The following CTNNA2 variants were observed in gnomAD, a reference collection of about 807,000 sequenced individuals.
CTNNA2 encodes the protein catenin alpha 2.
In CTNNA2, 42 loss-of-function variants were observed where a neutral mutation model predicts 101.0. That is an observed-to-expected ratio of 0.42 (90% confidence interval 0.32 to 0.54). CTNNA2 has a LOEUF of 0.54. Ranked by LOEUF, CTNNA2 falls within the 20% of genes least tolerant of loss-of-function variation. CTNNA2 has a pLI of 0.14. For missense variants in CTNNA2, 871 were observed against 1,223.1 expected, an observed-to-expected ratio of 0.71 and a Z score of 4.29; for synonymous variants, 450 against 456.4, an observed-to-expected ratio of 0.99 and a Z score of 0.18.
At chr2:79,861,040 A>AT (rs945998375) in intron 4 of CTNNA2, among the ~76,000 whole-genome samples, 22 of 152,166 alleles carry the variant, frequency 1.4e-4, no homozygotes, top group Non-Finnish European at 2.4e-4. Flanking sequence ...TTTCTCAAGG[A>AT]TTTTTTTAAA....
intron 3 of CTNNA2, among the ~76,000 whole-genome samples, chr2:79,849,804 G>A (rs958317861): frequency 6.6e-5 from 10 of 152,136 alleles, no homozygotes; most frequent in African/African-American, 1.9e-4. Context: ...TTATTTTATT[G>A]TAGAGTGTAT....
intron 3 of CTNNA2, among the ~76,000 whole-genome samples, chr2:79,833,701 A>G (rs1235499257): frequency 1.3e-5 from 2 of 152,216 alleles, no homozygotes; most frequent in African/African-American, 4.8e-5. Context: ...CCAGTAAAAC[A>G]AGACAAACAG....
At chr2:79,576,957 G>A (rs1675837484) in intron 1 of CTNNA2, among the ~76,000 whole-genome samples, 1 of 152,040 alleles carries the variant, frequency 6.6e-6, no homozygotes, top group Non-Finnish European at 1.5e-5. Flanking sequence ...GAAAATGTGA[G>A]GATAGAAGTT....
rs79575459 is a variant in CTNNA2 at position 80,047,514 on chromosome 2, G to A, written c.1056+137717G>A. Reference sequence around the variant, plus strand: ...GAAGAAGACAGTCCCTGAAGAACTTGCTGTGCTGACTCTGCTGACAATCAG... The same window carrying A: ...GAAGAAGACAGTCCCTGAAGAACTTACTGTGCTGACTCTGCTGACAATCAG... On this transcript the variant is annotated intron_variant, in intron 7 of 18. Transcript: ENST00000402739. Among the ~76,000 whole-genome samples, 781 of 152,280 alleles carry A rather than the reference G, an allele frequency of 5.1e-3. 11 individuals are homozygous for A. Among genetic ancestry groups the A allele is most frequent in the African/African-American group, 0.018 (730 of 41,562 alleles).
intron 1 of CTNNA2, among the ~76,000 whole-genome samples, chr2:79,623,555 T>C (rs1215520318): frequency 6.6e-6 from 1 of 152,132 alleles, no homozygotes; most frequent in South Asian, 2.1e-4. Flanking sequence ...ATGTAGAAAA[T>C]CTTATCATCA....
chr2:80,579,174 A>G (rs981962692), intron 13 of CTNNA2: 1 of 152,174 alleles, frequency 6.6e-6, no homozygotes. Context: ...GTCCAGGTTA[A>G]TACCTCTTTT....
chr2:80,635,887 C>T (rs574745623), intron 18 of CTNNA2, among the ~76,000 whole-genome samples: 8 of 151,152 alleles, frequency 5.3e-5, no homozygotes, highest in South Asian at 2.1e-4. Flanking sequence ...GTAAATGTGT[C>T]ACACACTAAT....
Position 80,601,417 on chromosome 2 carries a change from C to CTTTTTTTT in CTNNA2, c.2190-2654_2190-2653insTTTTTTTT, listed in dbSNP as rs375645223. On this transcript the variant is annotated intron_variant, in intron 15 of 18. Transcript: ENST00000402739. ...GATTTAATGACTTTTTTCTTTCTTT[C>CTTTTTTTT]TTTCTTTTTTTTTTTTTTTGATGAG... 1.2e-3 allele frequency among the ~76,000 whole-genome samples: 111 copies of CTTTTTTTT among 94,140 alleles called. 3 individuals are homozygous for CTTTTTTTT. The highest frequency in any genetic ancestry group is 6.3e-3 in the Middle Eastern group (1 of 158). The allele number at this position is 94,140 out of a possible 152,430, so 61.8% of individuals were successfully genotyped here. A position where few individuals can be genotyped will look rare whatever the true frequency, so the allele number is the denominator to read the frequency against.
chr2:80,279,296 C>G (rs1674179548), intron 7 of CTNNA2, among the ~76,000 whole-genome samples: 1 of 151,916 alleles, frequency 6.6e-6, no homozygotes, highest in Non-Finnish European at 1.5e-5. Flanking sequence ...AGAGAAGGGC[C>G]ACTAGACTAG....
At chr2:80,468,641 C>T (rs1032508490) in intron 9 of CTNNA2, among the ~76,000 whole-genome samples, 1 of 152,194 alleles carries the variant, frequency 6.6e-6, no homozygotes, top group Non-Finnish European at 1.5e-5. Flanking sequence ...TGGTCTTGAA[C>T]TCCTGACCTT....
At chr2:79,250,927 GA>G (rs1674763194) in intron 2 of CTNNA2, among the ~76,000 whole-genome samples, 1 of 151,942 alleles carries the variant, frequency 6.6e-6, no homozygotes, top group Non-Finnish European at 1.5e-5. Flanking sequence ...CTGGGTTTAC[GA>G]AAATAAAAAT....
intron 8 of CTNNA2, among the ~76,000 whole-genome samples, chr2:80,401,907 C>G (rs1267003372): frequency 6.6e-6 from 1 of 152,194 alleles, no homozygotes; most frequent in African/African-American, 2.4e-5. Context: ...TTGACACCAG[C>G]TGTCTGTCCT....
chr2:79,708,054 T>G (rs902811429), intron 2 of CTNNA2, among the ~76,000 whole-genome samples: 1 of 152,222 alleles, frequency 6.6e-6, no homozygotes, highest in African/African-American at 2.4e-5. Flanking sequence ...CTTCTATAAT[T>G]TTGCAGTAAT....
intron 7 of CTNNA2, among the ~76,000 whole-genome samples, chr2:79,959,907 G>A (rs993485341): frequency 1.4e-4 from 22 of 152,170 alleles, no homozygotes; most frequent in Admixed American, 7.2e-4. Flanking sequence ...TAGGTGAACT[G>A]CTTTTCCATC....
intron 1 of CTNNA2, among the ~76,000 whole-genome samples, chr2:79,527,131 T>C (rs1019233503): frequency 6.6e-6 from 1 of 152,080 alleles, no homozygotes; most frequent in Non-Finnish European, 1.5e-5. Context: ...CTTCCAAATT[T>C]ATAAAGAACC....
In CTNNA2 at chr2:80,477,893, C is replaced by A. The variant is rs940630110; in HGVS notation, c.1290+58292C>A. On this transcript the variant is annotated intron_variant, in intron 9 of 18. Transcript: ENST00000402739. ...TTTTGATATAAGGACTTTTTACCCC[C>A]CTTTGGGTAGATATCCAGTAGTGGG... Among the ~76,000 whole-genome samples, 11 of 152,148 alleles carry A rather than the reference C, an allele frequency of 7.2e-5. No homozygotes were observed. In the East Asian group the frequency reaches 1.9e-3, roughly 27 times the overall value.
intron 3 of CTNNA2, among the ~76,000 whole-genome samples, chr2:79,371,949 G>A (rs1012425433): frequency 3.3e-5 from 5 of 152,102 alleles, no homozygotes; most frequent in Admixed American, 6.5e-5. Context: ...AGATGATCTG[G>A]AAGAAGAAAG....
At chr2:79,763,055 T>C (rs908188224) in intron 3 of CTNNA2, among the ~76,000 whole-genome samples, 1 of 152,238 alleles carries the variant, frequency 6.6e-6, no homozygotes, top group Non-Finnish European at 1.5e-5. Flanking sequence ...TTTATATCTT[T>C]CAGATACTTA....
At chr2:79,348,582 T>C (rs1395669118) in intron 3 of CTNNA2, among the ~76,000 whole-genome samples, 1 of 152,202 alleles carries the variant, frequency 6.6e-6, no homozygotes, top group East Asian at 1.9e-4. Context: ...GTTTCAAATA[T>C]CTCAGTCTGA....
Sources: gnomAD v4.1 joint callset for allele counts (sites outside exome capture counted in the v4.1 genomes callset) on GRCh38, gnomAD v4.1.1 for gene constraint, MANE v1.5 for transcripts, NCBI Gene and HGNC (gene_info 2026-07-23, HGNC 2026-07-21) for gene names.